RAB11FIP3: variants seen among roughly 807,000 people sequenced by gnomAD.
RAB11FIP3 encodes the protein RAB11 family interacting protein 3.
In RAB11FIP3, 17 loss-of-function variants were observed where a neutral mutation model predicts 77.8. The observed-to-expected ratio is 0.22, with a 90% CI of 0.15 to 0.33. The LOEUF is 0.33. RAB11FIP3 is among the 10% of genes least tolerant of loss of function. The probability of loss-of-function intolerance (pLI) is 1.00; values close to 1 mark genes in which losing one functional copy is unlikely to be tolerated. For synonymous variants in RAB11FIP3, 437 were observed against 448.2 expected, an observed-to-expected ratio of 0.98 and a Z score of 0.31; for missense variants, 1,005 against 1,011.2, an observed-to-expected ratio of 0.99 and a Z score of 0.08.
intron 1 of RAB11FIP3, among the ~76,000 whole-genome samples, chr16:455,814 C>A (rs2055494041): frequency 1.3e-5 from 2 of 152,116 alleles, no homozygotes; most frequent in South Asian, 4.1e-4. Flanking sequence ...TAGTCTGGAA[C>A]TCTTGGGCTC....
chr16:501,989 T>TC (rs1381382136), intron 6 of RAB11FIP3, among the ~76,000 whole-genome samples: 4 of 150,182 alleles, frequency 2.7e-5, no homozygotes, highest in African/African-American at 9.8e-5. Flanking sequence ...TGGGAGAGGG[T>TC]CCCCCCATTT....
At chr16:492,487 T>TTC (rs1555505329) in intron 5 of RAB11FIP3, among the ~76,000 whole-genome samples, 15 of 24,134 alleles carry the variant, frequency 6.2e-4, no homozygotes, top group Non-Finnish European at 3.9e-4. Context: ...CCCAGGGCCC[T>TTC]CCCGGGAGAC....
rs1335967284 is a variant in RAB11FIP3 at position 505,721 on chromosome 16, G to A, written c.1499+94G>A. The A allele has an allele frequency of 2.3e-5, 25 of 1,110,678 alleles. No homozygotes were observed. The highest frequency in any genetic ancestry group is 3.2e-5 in the Non-Finnish European group (25 of 787,144). The allele number at this position is 1,110,678 out of a possible 1,614,324, so 68.8% of individuals were successfully genotyped here. Reference sequence around the variant, plus strand: ...ACTTCTCTTTACCTCACACAGCAGGGGCTTGGCCACCCGTCCATCCCCGTT... The same window carrying A: ...ACTTCTCTTTACCTCACACAGCAGGAGCTTGGCCACCCGTCCATCCCCGTT... On this transcript the variant is annotated intron_variant, in intron 8 of 13. Transcript: ENST00000262305. The surrounding 1 kb of genome is among the most constrained non-coding windows in gnomAD (Gnocchi z 4.0).
chr16:447,694 C>T (rs545701352), intron 1 of RAB11FIP3, among the ~76,000 whole-genome samples: 5 of 152,158 alleles, frequency 3.3e-5, no homozygotes, highest in African/African-American at 9.6e-5. Flanking sequence ...GCCGAGATCG[C>T]GCCACTGCGC....
intron 1 of RAB11FIP3, among the ~76,000 whole-genome samples, chr16:435,051 A>G (rs1409011070): frequency 6.6e-6 from 1 of 152,088 alleles, no homozygotes; most frequent in Non-Finnish European, 1.5e-5. Context: ...GAAAAATACA[A>G]AAAATTAGCC....
chr16:492,299 T>G (rs2030299297), intron 5 of RAB11FIP3, among the ~76,000 whole-genome samples: 1 of 144,754 alleles, frequency 6.9e-6, no homozygotes, highest in South Asian at 2.1e-4. Context: ...TGATGGCCAT[T>G]CTGGAGCATC....
At chr16:478,915 A>C (rs2055976969) in intron 3 of RAB11FIP3, among the ~76,000 whole-genome samples, 1 of 152,226 alleles carries the variant, frequency 6.6e-6, no homozygotes, top group South Asian at 2.1e-4. Context: ...CAGTGAGCTG[A>C]GATGGTGCCA....
chr16:445,683 C>T (rs1183657021), intron 1 of RAB11FIP3, among the ~76,000 whole-genome samples: 1 of 151,970 alleles, frequency 6.6e-6, no homozygotes, highest in Non-Finnish European at 1.5e-5. Flanking sequence ...GTAGCGGCTC[C>T]ACTGTGGAGA....
chr16:503,019 AGGGGCCCTGACCATG>A lies in RAB11FIP3; in HGVS notation c.1319_1333del (p.Gly440_Met444del), dbSNP rs1206393687. 6.2e-7 allele frequency: 1 copy of A among 1,612,404 alleles called. No homozygotes were observed. Among genetic ancestry groups the A allele is most frequent in the Non-Finnish European group, 8.5e-7 (1 of 1,179,204 alleles). On this transcript the variant is annotated inframe_deletion, in exon 7 of 14. Transcript: ENST00000262305. ...TTTTCTGTAGGTACCTGCACCAGTC[AGGGGCCCTGACCATG>A]GAGGCCCTGGAGGACCCTTCCCCCG...
intron 6 of RAB11FIP3, chr16:502,707 C>T: frequency 4.1e-6 from 2 of 486,942 alleles, no homozygotes; most frequent in Non-Finnish European, 7.2e-6. Context: ...TCCTCTCTGC[C>T]ACTCGCTGGC....
At chr16:462,096 G>T (rs539400783) in intron 2 of RAB11FIP3, among the ~76,000 whole-genome samples, 1 of 152,236 alleles carries the variant, frequency 6.6e-6, no homozygotes, top group Non-Finnish European at 1.5e-5. Context: ...GTGCCTGGCA[G>T]TGCGGAGCCT....
Position 471,374 on chromosome 16 carries a change from C to T in RAB11FIP3, c.888C>T (p.Asp296=). The T allele has an allele frequency of 6.2e-7, 1 of 1,611,946 alleles. No homozygotes were observed. Among genetic ancestry groups the T allele is most frequent in the Non-Finnish European group, 8.5e-7 (1 of 1,178,482 alleles). Residue 296 remains aspartate (D), a synonymous_variant, in exon 3 of 14, where the codon GAC becomes GAT. Transcript: ENST00000262305. This position sits in a 1 kb window ranked among gnomAD's most constrained non-coding sequence, Gnocchi z 4.4. ...TGGCCTGCCCGGACGAGTTCGATGACTTCGTCACCTATGAGGCAAGTGGTT... is the reference window on the plus strand; with the variant it reads ...TGGCCTGCCCGGACGAGTTCGATGATTTCGTCACCTATGAGGCAAGTGGTT... ...EPLACPDEFD[D]FVTYEANEVT... is the part of the protein sequence containing the mutation.
At position 471,335 on chromosome 16, in the gene RAB11FIP3, A is replaced by G; in HGVS notation, c.849A>G (p.Gln283=). Residue 283 remains glutamine, a synonymous_variant, in exon 3 of 14, where the codon CAA becomes CAG. Coordinates refer to ENST00000262305, the MANE Select transcript of RAB11FIP3 (RefSeq NM_014700.4). This position sits in a 1 kb window ranked among gnomAD's most constrained non-coding sequence, Gnocchi z 4.4. ...GQCYGGVASA[Q]DEEPLACPDE... is the part of the protein sequence containing the mutation. ...GCTACGGTGGTGTCGCTTCTGCCCAAGATGAGGAGCCCCTGGCCTGCCCGG... is the reference window on the plus strand; with the variant it reads ...GCTACGGTGGTGTCGCTTCTGCCCAGGATGAGGAGCCCCTGGCCTGCCCGG... The G allele has an allele frequency of 6.2e-7, 1 of 1,614,088 alleles. No homozygotes were observed.
At chr16:440,265 T>C (rs1398536740) in intron 1 of RAB11FIP3, among the ~76,000 whole-genome samples, 2 of 152,218 alleles carry the variant, frequency 1.3e-5, no homozygotes, top group African/African-American at 4.8e-5. Context: ...TAAATTTCTG[T>C]GTTCCTTTTT....
intron 1 of RAB11FIP3, among the ~76,000 whole-genome samples, chr16:450,815 G>C (rs1055551786): frequency 1.3e-5 from 2 of 151,004 alleles, no homozygotes; most frequent in African/African-American, 4.9e-5. Context: ...CCCAGGGAGA[G>C]AGCCTCCCGC....
chr16:448,738 G>GAAA (rs34545276), intron 1 of RAB11FIP3, among the ~76,000 whole-genome samples: 2 of 88,146 alleles, frequency 2.3e-5, no homozygotes, highest in South Asian at 4.1e-4. Flanking sequence ...TCCGTCTCAA[G>GAAA]AAAAAAAAAA....
intron 3 of RAB11FIP3, among the ~76,000 whole-genome samples, chr16:474,305 T>G (rs3785303): frequency 0.13 from 19,313 of 152,182 alleles, 1,553 homozygotes; most frequent in African/African-American, 0.22. Flanking sequence ...AGCATCGCAG[T>G]GCTCACACCG....
chr16:450,178 T>G (rs1410282617), intron 1 of RAB11FIP3, among the ~76,000 whole-genome samples: 1 of 151,898 alleles, frequency 6.6e-6, no homozygotes, highest in Non-Finnish European at 1.5e-5. Flanking sequence ...AAACTTTTTT[T>G]CTCTTTCTTG....
chr16:482,568 C>T lies in RAB11FIP3; in HGVS notation c.947C>T (p.Thr316Ile). ...AGCGCGTACATGGGCTCCGAGAGCA[C>T]CTACAGTGAGTGTGAGACCTTCACG... The part of the protein sequence containing the change: ...TDSAYMGSES[T>I]YSECETFTDE... The change falls in exon 4 of 14, where the codon ACC becomes ATC. Residue 316 changes from threonine to isoleucine, a missense_variant. Physicochemically the swap from Thr to Ile is moderately conservative, Grantham distance 89. Coordinates refer to ENST00000262305, the MANE Select transcript of RAB11FIP3 (RefSeq NM_014700.4). The T allele has an allele frequency of 6.2e-7, 1 of 1,613,630 alleles. No individual in the cohort carries two copies. The highest frequency in any genetic ancestry group is 1.1e-5 in the South Asian group (1 of 91,082).
Sources: allele counts gnomAD v4.1 joint callset (sites outside exome capture counted in the v4.1 genomes callset), GRCh38; gene constraint gnomAD v4.1.1; non-coding constraint Gnocchi (gnomAD v3.1); transcripts MANE v1.5; gene names NCBI Gene and HGNC (gene_info 2026-07-23, HGNC 2026-07-21).